Variants in TENM2 observed in about 807,000 individuals in gnomAD.
TENM2 encodes teneurin transmembrane protein 2, also known as teneurin-2.
Under a neutral mutation model 245.2 loss-of-function variants are expected in TENM2, and 52 were observed. That is an observed-to-expected ratio of 0.21 (90% confidence interval 0.17 to 0.27). The LOEUF (loss-of-function observed/expected upper bound fraction) is 0.27. Ranked by LOEUF, TENM2 falls within the 10% of genes least tolerant of loss-of-function variation. The probability of loss-of-function intolerance (pLI) is 1.00; values close to 1 mark genes in which losing one functional copy is unlikely to be tolerated. For missense variants in TENM2, 3,046 were observed against 3,666.8 expected, an observed-to-expected ratio of 0.83 and a Z score of 4.37; for synonymous variants, 1,363 against 1,438.9, an observed-to-expected ratio of 0.95 and a Z score of 1.19.
At chr5:167,526,784 A>G (rs964540563) in intron 2 of TENM2, among the ~76,000 whole-genome samples, 1 of 151,988 alleles carries the variant, frequency 6.6e-6, no homozygotes, top group Non-Finnish European at 1.5e-5. Context: ...GTTAGTATAT[A>G]TTTGGAACCT....
intron 2 of TENM2, among the ~76,000 whole-genome samples, chr5:167,830,281 A>T (rs917411341): frequency 1.3e-5 from 2 of 152,186 alleles, no homozygotes; most frequent in Admixed American, 6.5e-5. Flanking sequence ...ATTTCTTAAG[A>T]GTATACATAG....
At chr5:168,186,568 G>A (rs996999256) in intron 13 of TENM2, 5 of 152,098 alleles carry the variant, frequency 3.3e-5, no homozygotes, top group South Asian at 2.1e-4. Context: ...GGCCTAAGTC[G>A]CTTTCCCATA....
At chr5:167,707,013 TAAAAAAAAAA>T (rs34373602) in intron 2 of TENM2, among the ~76,000 whole-genome samples, 1 of 70,064 alleles carries the variant, frequency 1.4e-5, no homozygotes, top group Admixed American at 1.8e-4. Flanking sequence ...AGACTCCGCC[TAAAAAAAAAA>T]AAAAAAAAAA....
chr5:167,268,548 C>T, the TENM2 span, among the ~76,000 whole-genome samples: 1 of 152,054 alleles, frequency 6.6e-6, no homozygotes, highest in Admixed American at 6.6e-5. Flanking sequence ...CTTGGTGAGG[C>T]ATGTTTGATG....
the TENM2 span, among the ~76,000 whole-genome samples, chr5:167,216,030 A>G: frequency 1.3e-5 from 2 of 152,220 alleles, no homozygotes; most frequent in African/African-American, 4.8e-5. Flanking sequence ...TATCACCTCA[A>G]AAGGCAAGCT....
At chr5:168,100,939 A>AG (rs1793763655) in intron 9 of TENM2, among the ~76,000 whole-genome samples, 2 of 151,636 alleles carry the variant, frequency 1.3e-5, no homozygotes, top group Admixed American at 1.3e-4. Flanking sequence ...AAAAAAAAAA[A>AG]AAGACAAGAT....
intron 3 of TENM2, among the ~76,000 whole-genome samples, chr5:167,901,161 A>T (rs1196588468): frequency 6.6e-6 from 1 of 152,038 alleles, no homozygotes; most frequent in Non-Finnish European, 1.5e-5. Flanking sequence ...TACCCTTTTG[A>T]TATATAACTT....
intron 2 of TENM2, among the ~76,000 whole-genome samples, chr5:167,691,163 A>G (rs1270369336): frequency 6.6e-6 from 1 of 152,162 alleles, no homozygotes; most frequent in African/African-American, 2.4e-5. Flanking sequence ...ATACTGTGTC[A>G]GACACTGGAA....
chr5:167,561,021 C>A (rs1311065659), intron 2 of TENM2, among the ~76,000 whole-genome samples: 1 of 152,214 alleles, frequency 6.6e-6, no homozygotes, highest in African/African-American at 2.4e-5. Context: ...AAATGTCAAT[C>A]ATGCCAGTTG....
At chr5:167,114,013 G>A in the TENM2 span, among the ~76,000 whole-genome samples, 1 of 152,132 alleles carries the variant, frequency 6.6e-6, no homozygotes, top group African/African-American at 2.4e-5. Flanking sequence ...CAAGGGTGTG[G>A]CCACAAGAGG....
At chr5:167,605,404 A>G (rs1335369599) in intron 2 of TENM2, among the ~76,000 whole-genome samples, 4 of 152,148 alleles carry the variant, frequency 2.6e-5, no homozygotes, top group Non-Finnish European at 2.9e-5. Context: ...GCACGCTATG[A>G]CCTTCAGACA....
At chr5:168,075,678 G>A (rs187700303) in intron 7 of TENM2, among the ~76,000 whole-genome samples, 69 of 152,294 alleles carry the variant, frequency 4.5e-4, no homozygotes, top group Admixed American at 8.5e-4. Context: ...TTCACCCATG[G>A]TGTTGTTTGT....
At chr5:168,164,231 C>G (rs908275320) in intron 13 of TENM2, among the ~76,000 whole-genome samples, 2 of 152,170 alleles carry the variant, frequency 1.3e-5, no homozygotes, top group Admixed American at 6.5e-5. Context: ...CCACACTGCT[C>G]TCTTTGTGAT....
chr5:167,230,716 A>G, the TENM2 span, among the ~76,000 whole-genome samples: 1 of 152,220 alleles, frequency 6.6e-6, no homozygotes, highest in African/African-American at 2.4e-5. Flanking sequence ...ATACAAAGCC[A>G]GGATGGAGAT....
At chr5:167,831,261 A>G (rs1768453590) in intron 2 of TENM2, among the ~76,000 whole-genome samples, 1 of 152,124 alleles carries the variant, frequency 6.6e-6, no homozygotes, top group South Asian at 2.1e-4. Flanking sequence ...TGAAACCAGC[A>G]CTGTGGTCAG....
At chr5:167,488,213 A>T (rs1768204796) in intron 2 of TENM2, among the ~76,000 whole-genome samples, 1 of 152,118 alleles carries the variant, frequency 6.6e-6, no homozygotes, top group African/African-American at 2.4e-5. Flanking sequence ...ATTATTTTTT[A>T]AAAAATCGAT....
At chr5:168,168,041 T>C (rs555543923) in intron 13 of TENM2, among the ~76,000 whole-genome samples, 1 of 152,130 alleles carries the variant, frequency 6.6e-6, no homozygotes, top group Non-Finnish European at 1.5e-5. Flanking sequence ...ACCACAAAGA[T>C]TCTAACTTTG....
rs538909388 is a variant in TENM2, at chr5:167,300,790, A to G, written c.226+15727A>G. Among the ~76,000 whole-genome samples the G allele has an allele frequency of 8.9e-4, 136 of 152,164 alleles. 1 individual carries two copies. The highest frequency in any genetic ancestry group is 3.7e-3 in the Admixed American group (56 of 15,282). ...TGAAGGAGGCTTTGAACTGAGGGAA[A>G]AGGCAGCAATGAGGTGTGGCTGTAG... On this transcript the variant is annotated intron_variant, in intron 1 of 28. Coordinates refer to ENST00000518659, the Ensembl canonical transcript of TENM2.
chr5:168,241,009 C>G (rs1469547253), intron 25 of TENM2: 1 of 152,206 alleles, frequency 6.6e-6, no homozygotes, highest in Non-Finnish European at 1.5e-5. Flanking sequence ...TTTCTGACCA[C>G]CACTGTGTGT....
Sources: allele counts gnomAD v4.1 joint callset (sites outside exome capture counted in the v4.1 genomes callset), GRCh38; gene constraint gnomAD v4.1.1; transcripts MANE v1.5; gene names NCBI Gene and HGNC (gene_info 2026-07-23, HGNC 2026-07-21).